Variants in PRPF3 observed in about 807,000 individuals in gnomAD.
PRPF3 encodes U4/U6 small nuclear ribonucleoprotein Prp3.
In PRPF3, 3 loss-of-function variants were observed where a neutral mutation model predicts 89.2. The observed-to-expected ratio is 0.03, with a 90% confidence interval of 0.02 to 0.09. The LOEUF (loss-of-function observed/expected upper bound fraction) is 0.09, where lower values mean the gene tolerates loss of function less well. PRPF3 is among the 10% of genes least tolerant of loss of function. The pLI, the probability that PRPF3 is intolerant of heterozygous loss-of-function variation, is 1.00. For synonymous variants in PRPF3, 270 were observed against 289.1 expected, an observed-to-expected ratio of 0.93 and a Z score of 0.67; for missense variants, 463 against 828.8, an observed-to-expected ratio of 0.56 and a Z score of 5.42.
At chr1:150,336,620 G>T (rs1657028857) in intron 7 of PRPF3, among the ~76,000 whole-genome samples, 1 of 152,058 alleles carries the variant, frequency 6.6e-6, no homozygotes, top group African/African-American at 2.4e-5. Context: ...ACCGAGCGTG[G>T]TGGTGGGTGC....
At chr1:150,348,478 T>TTTTTTTTTTTTTTTTTTC (rs1553873625) in intron 14 of PRPF3, among the ~76,000 whole-genome samples, 1 of 139,406 alleles carries the variant, frequency 7.2e-6, no homozygotes, top group Admixed American at 7.4e-5. Flanking sequence ...TTTTTTTTTT[T>TTTTTTTTTTTTTTTTTTC]TGAGATGGAG....
chr1:150,335,341 T>A lies in PRPF3; in HGVS notation c.1035+100T>A. On this transcript the variant is annotated intron_variant, in intron 7 of 15. Coordinates refer to ENST00000324862, the MANE Select transcript of PRPF3 (RefSeq NM_004698.4). ...TGTTCTAGGAAATTAGATAAATAGG[T>A]CATTTAAAGCAGCAGTCCTCAACCT... is the stretch of plus-strand genomic sequence containing the variant. The A allele has an allele frequency of 2.2e-6, 3 of 1,392,782 alleles. No individual in the cohort carries two copies. The South Asian group carries it at 3.6e-5, about 17-fold the overall frequency. The allele number at this position is 1,392,782 out of a possible 1,614,324, so 86.3% of individuals were successfully genotyped here. A position where few individuals can be genotyped will look rare whatever the true frequency, so the allele number is the denominator to read the frequency against.
chr1:150,322,023 C>T (rs587737888), intron 1 of PRPF3, among the ~76,000 whole-genome samples: 1 of 152,142 alleles, frequency 6.6e-6, no homozygotes, highest in Admixed American at 6.6e-5. Context: ...CCTTCCGCAC[C>T]CCCACTACCC....
chr1:150,328,306 T>C lies in PRPF3; in HGVS notation c.277-14T>C, dbSNP rs1278878746. The C allele has an allele frequency of 2.5e-6, 4 of 1,613,752 alleles. No homozygotes were observed. In the East Asian group the frequency reaches 6.7e-5, roughly 27 times the overall value. ...GGAGGGATACAGCTTTTCTTTCATC[T>C]TGGGTTCCCTTAGGAGGTGTTTGGT... On this transcript the variant is annotated splice_polypyrimidine_tract_variant and intron_variant, in intron 3 of 15. Transcript: ENST00000324862.
intron 14 of PRPF3, 33 bp from the exon 15 acceptor site, chr1:150,349,123 CA>C (rs782138532): frequency 6.3e-7 from 1 of 1,575,468 alleles, no homozygotes; most frequent in Non-Finnish European, 8.7e-7. Flanking sequence ...ACCTGAATCT[CA>C]AGTCTAAGTC....
Position 150,335,180 on chromosome 1 carries a change from G to A in PRPF3, c.974G>A (p.Arg325His). 5.0e-6 allele frequency: 8 copies of A among 1,613,956 alleles called. No individual in the cohort carries two copies. Among genetic ancestry groups the A allele is most frequent in the Non-Finnish European group, 6.8e-6 (8 of 1,179,964 alleles). Reference sequence around the variant, plus strand: ...ATTGCCCCTTCCCAGCGCCAGAGACGCACTTTTAAATTCCATGACAAGGGC... The same window carrying A: ...ATTGCCCCTTCCCAGCGCCAGAGACACACTTTTAAATTCCATGACAAGGGC... ...VSIAPSQRQR[R>H]TFKFHDKGKF... Residue 325 changes from arginine (R) to histidine (H), a missense_variant, in exon 7 of 16, where the codon CGC becomes CAC. Arg to His is a conservative substitution (Grantham distance 29). This residue lies in a region of PRPF3 where 261 missense variants were observed against 475.8 expected (regional missense o/e 0.55). Transcript: ENST00000324862.
At chr1:150,348,466 T>TTTTTTTTTTTTTTA (rs1553873610) in intron 14 of PRPF3, among the ~76,000 whole-genome samples, 3 of 110,456 alleles carry the variant, frequency 2.7e-5, no homozygotes, top group African/African-American at 1.1e-4. Context: ...GTGCATTTTT[T>TTTTTTTTTTTTTTA]TTTTTTTTTT....
At chr1:150,327,045 G>A (rs190903652) in intron 3 of PRPF3, among the ~76,000 whole-genome samples, 3 of 150,736 alleles carry the variant, frequency 2.0e-5, no homozygotes, top group Admixed American at 6.7e-5. Flanking sequence ...ATTATGTCAC[G>A]ATAGGGCATA....
Position 150,335,201 on chromosome 1 carries a change from A to G in PRPF3, c.995A>G (p.Lys332Arg). Residue 332 changes from lysine (K) to arginine (R), a missense_variant, in exon 7 of 16, where the codon AAG (lysine) becomes AGG (arginine). This residue lies in a region of PRPF3 where 261 missense variants were observed against 475.8 expected (regional missense o/e 0.55). Coordinates refer to ENST00000324862, the MANE Select transcript of PRPF3 (RefSeq NM_004698.4). ...RQRRTFKFHDKGKFEKIAQRL... is the reference protein window; with the variant it reads ...RQRRTFKFHDRGKFEKIAQRL... ...AGACGCACTTTTAAATTCCATGACA[A>G]GGGCAAATTTGAGAAGATTGCTCAG... is the stretch of plus-strand genomic sequence containing the variant. The G allele has an allele frequency of 6.2e-7, 1 of 1,614,184 alleles. No individual in the cohort carries two copies. The highest frequency in any genetic ancestry group is 8.5e-7 in the Non-Finnish European group (1 of 1,180,030).
chr1:150,348,479 T>TTTTTTTTTTTTTTTATG (rs1658546839), intron 14 of PRPF3, among the ~76,000 whole-genome samples: 1 of 139,272 alleles, frequency 7.2e-6, no homozygotes, highest in Admixed American at 7.4e-5. Context: ...TTTTTTTTTT[T>TTTTTTTTTTTTTTTATG]GAGATGGAGT....
At chr1:150,334,670 C>T (rs1553866746) in intron 6 of PRPF3, among the ~76,000 whole-genome samples, 1 of 152,012 alleles carries the variant, frequency 6.6e-6, no homozygotes, top group East Asian at 1.9e-4. Context: ...ACTTCCTGGG[C>T]TCAAGTGATC....
At position 150,340,419 on chromosome 1, in the gene PRPF3, A is replaced by G. The variant is rs782261167; in HGVS notation, c.1224A>G (p.Arg408=). The G allele has an allele frequency of 6.2e-7, 1 of 1,603,826 alleles. No homozygotes were observed. The highest frequency in any genetic ancestry group is 1.1e-5 in the South Asian group (1 of 90,886). ...GFDLTEENPK[R]EDYFGITNLV... ...TTAGTACAGAGGAAAATCCCAAGAGAGAAGATTATTTTGGAATCACAAATC... is the reference window on the plus strand; with the variant it reads ...TTAGTACAGAGGAAAATCCCAAGAGGGAAGATTATTTTGGAATCACAAATC... The change falls in exon 9 of 16, where the codon AGA becomes AGG. Residue 408 remains arginine, a synonymous_variant. Transcript: ENST00000324862.
intron 4 of PRPF3, among the ~76,000 whole-genome samples, chr1:150,332,307 C>T (rs587721743): frequency 2.0e-5 from 3 of 152,136 alleles, no homozygotes; most frequent in East Asian, 3.9e-4. Context: ...TAACACTAGA[C>T]CTGTAAGGTA....
chr1:150,333,871 A>G (rs1553866468), intron 6 of PRPF3, among the ~76,000 whole-genome samples: 13 of 152,156 alleles, frequency 8.5e-5, no homozygotes. Flanking sequence ...TTTTTTTAGC[A>G]TCTACAGTTG....
intron 1 of PRPF3, among the ~76,000 whole-genome samples, chr1:150,322,961 G>C (rs1013287546): frequency 6.7e-6 from 1 of 149,866 alleles, no homozygotes; most frequent in Non-Finnish European, 1.5e-5. Context: ...TGCAACCTCC[G>C]CCTTCCATGT....
chr1:150,344,045 G>A (rs782271884), intron 10 of PRPF3, 117 bp from the exon 11 acceptor site: 5 of 902,024 alleles, frequency 5.5e-6, no homozygotes, highest in Non-Finnish European at 7.2e-6. Flanking sequence ...GAGGAAGTGA[G>A]TTTAGAGCAG....
chr1:150,341,321 A>G (rs1286660850), intron 9 of PRPF3, among the ~76,000 whole-genome samples: 5 of 150,242 alleles, frequency 3.3e-5, no homozygotes, highest in African/African-American at 1.2e-4. Context: ...ATGCTCCACT[A>G]CCCACTGTGA....
intron 3 of PRPF3, among the ~76,000 whole-genome samples, chr1:150,326,908 A>G (rs1298847187): frequency 1.3e-5 from 2 of 152,160 alleles, no homozygotes; most frequent in East Asian, 3.8e-4. Context: ...TTCACGTATT[A>G]TAAAATCTAA....
chr1:150,349,967 C>T (rs1219414311), intron 15 of PRPF3, among the ~76,000 whole-genome samples: 18 of 152,014 alleles, frequency 1.2e-4, no homozygotes, highest in African/African-American at 4.3e-4. Flanking sequence ...GTGATCTCGG[C>T]TCACCGCAAC....
Sources: allele counts gnomAD v4.1 joint callset (sites outside exome capture counted in the v4.1 genomes callset), GRCh38; gene constraint gnomAD v4.1.1; regional missense constraint gnomAD v4.1.1; transcripts MANE v1.5; gene names NCBI Gene and HGNC (gene_info 2026-07-23, HGNC 2026-07-21).